SYNE1: variants seen among roughly 807,000 people sequenced by gnomAD.
The protein encoded by SYNE1 is spectrin repeat containing nuclear envelope protein 1.
In SYNE1, 616 loss-of-function variants were observed where a neutral mutation model predicts 1,111.0. That is an observed-to-expected ratio of 0.55 (90% CI 0.52 to 0.59). The LOEUF (loss-of-function observed/expected upper bound fraction) is 0.59. Among genes scored for constraint, SYNE1 ranks in the 20% least tolerant of loss-of-function variants. The pLI, the probability that SYNE1 is intolerant of heterozygous loss-of-function variation, is 0.00. For missense variants in SYNE1, 10,006 were observed against 10,417.0 expected, an observed-to-expected ratio of 0.96 and a Z score of 1.72; for synonymous variants, 3,855 against 3,825.8, an observed-to-expected ratio of 1.01 and a Z score of -0.28.
chr6:152,518,291 A>G (rs893175343), intron 6 of SYNE1, among the ~76,000 whole-genome samples: 2 of 151,326 alleles, frequency 1.3e-5, no homozygotes, highest in Admixed American at 6.6e-5. Flanking sequence ...GTGATCCCCA[A>G]TGTTGAAAGT....
intron 104 of SYNE1, among the ~76,000 whole-genome samples, chr6:152,254,526 A>C (rs1316758441): frequency 6.6e-6 from 1 of 152,164 alleles, no homozygotes; most frequent in African/African-American, 2.4e-5. Context: ...CTGGGATCAC[A>C]GGCGTGAGCC....
At position 152,430,014 on chromosome 6, in the gene SYNE1, T is replaced by C. The variant is rs1380738356; in HGVS notation, c.4788+98A>G. 8.3e-6 allele frequency: 7 copies of C among 840,650 alleles called. No homozygotes were observed. The Admixed American group carries it at 1.5e-4, about 17-fold the overall frequency. The allele number at this position is 840,650 out of a possible 1,614,324, so 52.1% of individuals were successfully genotyped here. On this transcript the variant is annotated intron_variant, in intron 36 of 145. Transcript: ENST00000367255. ...TCAACTAATATAAACATTTTTCCAATTTCAATTCTCTTAAAAAGTTTACTG... is the reference window on the plus strand; with the variant it reads ...TCAACTAATATAAACATTTTTCCAACTTCAATTCTCTTAAAAAGTTTACTG...
chr6:152,436,406 A>T (rs2098474898), intron 32 of SYNE1, among the ~76,000 whole-genome samples: 1 of 151,760 alleles, frequency 6.6e-6, no homozygotes, highest in South Asian at 2.1e-4. Flanking sequence ...GGTTTATATG[A>T]TTTTCCTACC....
chr6:152,477,525 A>G (rs183126742), intron 14 of SYNE1, among the ~76,000 whole-genome samples: 4 of 152,338 alleles, frequency 2.6e-5, no homozygotes, highest in Admixed American at 2.0e-4. Flanking sequence ...GTTTGATGTC[A>G]TCTTTTCAAT....
At position 152,619,221 on chromosome 6, in the gene SYNE1, C is replaced by G. The variant is rs114723468; in HGVS notation, c.67+9044G>C. Among the ~76,000 whole-genome samples the G allele has an allele frequency of 4.9e-3, 740 of 152,254 alleles. 14 individuals are homozygous for G. Among genetic ancestry groups the G allele is most frequent in the African/African-American group, 0.017 (701 of 41,550 alleles). On this transcript the variant is annotated intron_variant, in intron 3 of 145. Transcript: ENST00000367255. ...AGTCTGGTTCCCCCCTTTATAAGTA[C>G]ATATTACCTTAAATTATACATTCAT...
At chr6:152,281,047 C>G (rs924358360) in intron 97 of SYNE1, among the ~76,000 whole-genome samples, 4 of 152,162 alleles carry the variant, frequency 2.6e-5, no homozygotes, top group African/African-American at 9.7e-5. Context: ...TATATTGATA[C>G]TTAACCCTGA....
At chr6:152,217,094 C>T (rs926355126) in intron 121 of SYNE1, among the ~76,000 whole-genome samples, 2 of 124,196 alleles carry the variant, frequency 1.6e-5, no homozygotes, top group African/African-American at 6.2e-5. Flanking sequence ...CTAAGTAAAA[C>T]CTTTTTTTTT....
intron 62 of SYNE1, 191 bp downstream of exon 62, chr6:152,367,027 A>G (rs1261419603): frequency 2.7e-6 from 2 of 743,212 alleles, no homozygotes; most frequent in South Asian, 2.9e-5. Flanking sequence ...ATTTTTTGGA[A>G]AACATCCGGG....
rs779666608 is a variant in SYNE1 at position 152,628,340 on chromosome 6, C to T, written c.-9G>A. The T allele has an allele frequency of 1.1e-5, 17 of 1,613,984 alleles. No individual in the cohort carries two copies. The highest frequency in any genetic ancestry group is 4.0e-5 in the African/African-American group (3 of 74,892). On this transcript the variant is annotated 5_prime_UTR_variant, in exon 3 of 146. Coordinates refer to ENST00000367255, the MANE Select transcript of SYNE1 (RefSeq NM_182961.4). ...CCTCTGGAGGTTGCCATGGTCCCTC[C>T]GGAAGCACGAAGCCAACACCAAGAG...
At chr6:152,357,077 C>A (rs1336347053) in intron 66 of SYNE1, among the ~76,000 whole-genome samples, 1 of 152,060 alleles carries the variant, frequency 6.6e-6, no homozygotes, top group African/African-American at 2.4e-5. Context: ...TGGATGAGAC[C>A]CTTAAGTAAG....
At chr6:152,485,394 A>T (rs1248222586) in intron 12 of SYNE1, among the ~76,000 whole-genome samples, 1 of 152,240 alleles carries the variant, frequency 6.6e-6, no homozygotes, top group Non-Finnish European at 1.5e-5. Flanking sequence ...GCTTTACTTC[A>T]AGTACCAAAC....
intron 91 of SYNE1, among the ~76,000 whole-genome samples, chr6:152,303,590 C>T (rs1456775709): frequency 1.3e-5 from 2 of 151,900 alleles, no homozygotes; most frequent in Non-Finnish European, 2.9e-5. Flanking sequence ...CTCTTAGATA[C>T]AAAATTCACA....
chr6:152,164,584 G>A (rs2063229849), intron 130 of SYNE1, among the ~76,000 whole-genome samples: 1 of 152,204 alleles, frequency 6.6e-6, no homozygotes, highest in Admixed American at 6.5e-5. Flanking sequence ...AGTTTTCCCA[G>A]TGTGAGCAAG....
chr6:152,224,589 T>C lies in SYNE1; in HGVS notation c.21427A>G (p.Asn7143Asp). ...TATCTGGCCTCCATGAGGTAACTGTTTATCTTGTCAAAGGCCACTTTGTGA... is the reference window on the plus strand; with the variant it reads ...TATCTGGCCTCCATGAGGTAACTGTCTATCTTGTCAAAGGCCACTTTGTGA... ...SSHKVAFDKI[N>D]SYLMEARYSL... Residue 7143 changes from asparagine to aspartate, a missense_variant, in exon 117 of 146, where the codon AAC becomes GAC. Around this residue, in one of 7 missense-constraint regions of SYNE1, gnomAD observed 2,182 missense variants for 2,287.8 expected, o/e 0.95. Coordinates refer to ENST00000367255, the MANE Select transcript of SYNE1 (RefSeq NM_182961.4). 1 of 1,614,032 alleles carries C rather than the reference T, an allele frequency of 6.2e-7. No homozygotes were observed. The highest frequency in any genetic ancestry group is 8.5e-7 in the Non-Finnish European group (1 of 1,179,970).
intron 29 of SYNE1, among the ~76,000 whole-genome samples, chr6:152,445,310 T>C (rs2154240992): frequency 6.6e-6 from 1 of 152,252 alleles, no homozygotes; most frequent in Admixed American, 6.5e-5. Context: ...GTGCTTCCAA[T>C]ATTCCTACAT....
chr6:152,516,100 C>T (rs370934607), intron 6 of SYNE1, among the ~76,000 whole-genome samples: 3 of 152,242 alleles, frequency 2.0e-5, no homozygotes, highest in African/African-American at 4.8e-5. Context: ...AAGATCAATG[C>T]TAAGATAATA....
At chr6:152,184,437 C>T (rs1439490944) in intron 128 of SYNE1, among the ~76,000 whole-genome samples, 27 of 104,656 alleles carry the variant, frequency 2.6e-4, no homozygotes, top group East Asian at 7.4e-4. Flanking sequence ...AACTCTGTTT[C>T]AAAAAAAAAA....
intron 100 of SYNE1, among the ~76,000 whole-genome samples, chr6:152,265,511 A>T (rs999923640): frequency 6.6e-6 from 1 of 152,042 alleles, no homozygotes; most frequent in Admixed American, 6.6e-5. Flanking sequence ...ATGAGGTTAA[A>T]TTTCTTTATT....
chr6:152,228,962 C>G (rs956552446), intron 115 of SYNE1, among the ~76,000 whole-genome samples: 21 of 152,098 alleles, frequency 1.4e-4, no homozygotes, highest in Admixed American at 6.5e-4. Context: ...AAGGTATTCT[C>G]TATACGATGT....
Sources: gnomAD v4.1 joint callset for allele counts (sites outside exome capture counted in the v4.1 genomes callset) on GRCh38, gnomAD v4.1.1 for gene constraint, gnomAD v4.1.1 regional missense constraint, MANE v1.5 for transcripts, NCBI Gene and HGNC (gene_info 2026-07-23, HGNC 2026-07-21) for gene names.